Variants in GALNT18 observed in about 807,000 individuals in gnomAD.
GALNT18 encodes the protein polypeptide N-acetylgalactosaminyltransferase 18.
Under a neutral mutation model 69.5 loss-of-function variants are expected in GALNT18, and 44 were observed. The ratio of observed to expected loss-of-function variants is 0.63; its 90% confidence interval spans 0.50 to 0.81. GALNT18 has a LOEUF of 0.81. GALNT18 is among the 40% of genes least tolerant of loss of function. The probability of loss-of-function intolerance (pLI) is 0.00; values close to 1 mark genes in which losing one functional copy is unlikely to be tolerated. For missense variants in GALNT18, 715 were observed against 810.0 expected, an observed-to-expected ratio of 0.88 and a Z score of 1.42; for synonymous variants, 364 against 318.2, an observed-to-expected ratio of 1.14 and a Z score of -1.53.
In GALNT18 at chr11:11,315,069, T is replaced by A; in HGVS notation, c.1512+12017A>T. 6.6e-6 allele frequency among the ~76,000 whole-genome samples: 1 copy of A among 150,622 alleles called. No homozygotes were observed. Among genetic ancestry groups the A allele is most frequent in the East Asian group, 1.9e-4 (1 of 5,192 alleles). The stretch of plus-strand genomic sequence containing the variant: ...GTGTGTGTGTGTGTGTGTGTATGTG[T>A]GTATATATGTGTACATACAGAAGTA... On this transcript the variant is annotated intron_variant, in intron 9 of 10. Coordinates refer to ENST00000227756, the MANE Select transcript of GALNT18 (RefSeq NM_198516.3). The surrounding 1 kb of genome is among the most constrained non-coding windows in gnomAD (Gnocchi z 5.6).
rs963816917 is a variant in GALNT18 at position 11,613,256 on chromosome 11, T to C, written c.235+8103A>G. Among the ~76,000 whole-genome samples, 1 of 152,220 alleles carries C rather than the reference T, an allele frequency of 6.6e-6. No homozygotes were observed. Among genetic ancestry groups the C allele is most frequent in the Admixed American group, 6.5e-5 (1 of 15,278 alleles). ...GGCTGCACTGGAACTACAGGGGATC[T>C]ATAAAAGGTATACAGATCCACAGAG... is the stretch of plus-strand genomic sequence containing the variant. On this transcript the variant is annotated intron_variant, in intron 1 of 10. Coordinates refer to ENST00000227756, the MANE Select transcript of GALNT18 (RefSeq NM_198516.3). The surrounding 1 kb of genome is among the most constrained non-coding windows in gnomAD (Gnocchi z 4.2).
In GALNT18 at chr11:11,372,766, A is replaced by G. The variant is rs1231527376; in HGVS notation, c.978-137T>C. Reference sequence around the variant, plus strand: ...GAGCCAGTGTGAGCCTTGTTCTTGGAGTGGCCCCTGGGTCTGGCCTCACCC... The same window carrying G: ...GAGCCAGTGTGAGCCTTGTTCTTGGGGTGGCCCCTGGGTCTGGCCTCACCC... On this transcript the variant is annotated intron_variant, in intron 5 of 10. Transcript: ENST00000227756. The surrounding 1 kb of genome is among the most constrained non-coding windows in gnomAD (Gnocchi z 4.9). The G allele has an allele frequency of 2.8e-6, 2 of 725,058 alleles. No homozygotes were observed. Among genetic ancestry groups the G allele is most frequent in the African/African-American group, 3.5e-5 (2 of 57,698 alleles). 44.9% of individuals were successfully genotyped at this position (725,058 alleles called of 1,614,324 possible). A position where few individuals can be genotyped will look rare whatever the true frequency, so the allele number is the denominator to read the frequency against.
Position 11,454,069 on chromosome 11 carries a change from C to T in GALNT18, c.236-5133G>A, listed in dbSNP as rs761517509. 1.3e-5 allele frequency among the ~76,000 whole-genome samples: 2 copies of T among 152,168 alleles called. No individual in the cohort carries two copies. The highest frequency in any genetic ancestry group is 1.9e-4 in the East Asian group (1 of 5,192). On this transcript the variant is annotated intron_variant, in intron 1 of 10. Coordinates refer to ENST00000227756, the MANE Select transcript of GALNT18 (RefSeq NM_198516.3). This position sits in a 1 kb window ranked among gnomAD's most constrained non-coding sequence, Gnocchi z 4.2. ...GTAAAATGAACGAATAGGGCATTAG[C>T]AGTGGGTCGTCGTGAGGTCAGAAAA...
At chr11:11,333,210 GA>G (rs1850050178) in intron 7 of GALNT18, among the ~76,000 whole-genome samples, 1 of 152,088 alleles carries the variant, frequency 6.6e-6, no homozygotes, top group African/African-American at 2.4e-5. Context: ...AGGTGAGAGA[GA>G]GGGGGGAAGG....
At chr11:11,426,570 C>T (rs763522413) in intron 3 of GALNT18, among the ~76,000 whole-genome samples, 1 of 152,302 alleles carries the variant, frequency 6.6e-6, no homozygotes. Context: ...AGATGCTTCA[C>T]GTGGCAAAAT....
intron 3 of GALNT18, among the ~76,000 whole-genome samples, chr11:11,414,959 G>C (rs1254958200): frequency 6.6e-6 from 1 of 152,194 alleles, no homozygotes; most frequent in African/African-American, 2.4e-5. Context: ...GGGGCTTAGG[G>C]TCCTCTTTGA....
intron 9 of GALNT18, among the ~76,000 whole-genome samples, chr11:11,317,234 A>G (rs777877396): frequency 1.3e-5 from 2 of 152,244 alleles, no homozygotes; most frequent in African/African-American, 2.4e-5. Context: ...AGACCTGGGA[A>G]TATCACAACG....
In GALNT18 at chr11:11,497,327, AACACACACACACAC is replaced by A. The variant is rs61001797; in HGVS notation, c.236-48405_236-48392del. ...TATTTATGTTTTACCTCCTGTCTCC[AACACACACACACAC>A]ACACACACACACACACACACACACA... is the stretch of plus-strand genomic sequence containing the variant. On this transcript the variant is annotated intron_variant, in intron 1 of 10. Coordinates refer to ENST00000227756, the MANE Select transcript of GALNT18 (RefSeq NM_198516.3). This position sits in a 1 kb window ranked among gnomAD's most constrained non-coding sequence, Gnocchi z 4.2. 3.2e-4 allele frequency among the ~76,000 whole-genome samples: 43 copies of A among 132,324 alleles called. No homozygotes were observed. The highest frequency in any genetic ancestry group is 1.2e-3 in the African/African-American group (41 of 34,108). The allele number at this position is 132,324 out of a possible 152,430, so 86.8% of individuals were successfully genotyped here.
chr11:11,340,073 G>A lies in GALNT18; in HGVS notation c.1278+746C>T, dbSNP rs1850176782. Among the ~76,000 whole-genome samples the A allele has an allele frequency of 7.2e-6, 1 of 138,524 alleles. No individual in the cohort carries two copies. 90.9% of individuals were successfully genotyped at this position (138,524 alleles called of 152,430 possible). ...GAACTCTAGGCAGACAGGCTGGTAA[G>A]TGGGTTGGAATCATGTGGCTGGCAT... On this transcript the variant is annotated intron_variant, in intron 7 of 10. Transcript: ENST00000227756. The surrounding 1 kb of genome is among the most constrained non-coding windows in gnomAD (Gnocchi z 4.2).
chr11:11,333,574 T>C (rs1850056302), intron 7 of GALNT18, among the ~76,000 whole-genome samples: 1 of 152,162 alleles, frequency 6.6e-6, no homozygotes, highest in Non-Finnish European at 1.5e-5. Context: ...TCTACGTGTT[T>C]GGAAGATCCC....
chr11:11,485,437 TATAG>T, intron 1 of GALNT18, among the ~76,000 whole-genome samples: 1 of 152,300 alleles, frequency 6.6e-6, no homozygotes, highest in East Asian at 1.9e-4. Flanking sequence ...TTATAAAGGA[TATAG>T]ATAAACAGCC....
intron 1 of GALNT18, among the ~76,000 whole-genome samples, chr11:11,483,410 A>C (rs1182753768): frequency 6.6e-6 from 1 of 152,210 alleles, no homozygotes; most frequent in Non-Finnish European, 1.5e-5. Flanking sequence ...ATGGGGAACT[A>C]TGCGGTCAGC....
Position 11,332,995 on chromosome 11 carries a change from C to T in GALNT18, c.1279-164G>A, listed in dbSNP as rs764557860. On this transcript the variant is annotated intron_variant, in intron 7 of 10. Coordinates refer to ENST00000227756, the MANE Select transcript of GALNT18 (RefSeq NM_198516.3). This position sits in a 1 kb window ranked among gnomAD's most constrained non-coding sequence, Gnocchi z 4.3. ...CATTTTCCCACGGGTACCTTAACCC[C>T]GTAACCATCCTCATTTAGACTACGA... Among the ~76,000 whole-genome samples, 10 of 151,694 alleles carry T rather than the reference C, an allele frequency of 6.6e-5. No individual in the cohort carries two copies. The highest frequency in any genetic ancestry group is 1.9e-4 in the East Asian group (1 of 5,150).
rs1853790301 is a variant in GALNT18, at chr11:11,377,333, T to C, written c.826A>G (p.Ile276Val). ...TTGATGTTATCAAAGGATGGCGAGA[T>C]GATCCGCTTCCGGTTCTCCTTGATG... ...TRIKENRKRI[I>V]SPSFDNIKYD... The change falls in exon 5 of 11, where the codon ATC becomes GTC. Residue 276 changes from isoleucine (I) to valine (V), a missense_variant. Physicochemically the swap from Ile to Val is conservative, Grantham distance 29. Coordinates refer to ENST00000227756, the MANE Select transcript of GALNT18 (RefSeq NM_198516.3). This position sits in a 1 kb window ranked among gnomAD's most constrained non-coding sequence, Gnocchi z 4.6. 1 of 1,613,896 alleles carries C rather than the reference T, an allele frequency of 6.2e-7. No individual in the cohort carries two copies. Among genetic ancestry groups the C allele is most frequent in the African/African-American group, 1.3e-5 (1 of 74,908 alleles).
intron 9 of GALNT18, among the ~76,000 whole-genome samples, chr11:11,299,438 C>T (rs1849456308): frequency 6.6e-6 from 1 of 152,176 alleles, no homozygotes; most frequent in Non-Finnish European, 1.5e-5. Context: ...AGCCACTGTG[C>T]CTGGCCCCAT....
chr11:11,271,517 T>C (rs964796180), intron 10 of GALNT18, among the ~76,000 whole-genome samples: 5 of 152,156 alleles, frequency 3.3e-5, no homozygotes, highest in Admixed American at 1.3e-4. Flanking sequence ...AGTTCTTCAC[T>C]AGGAGAGAGG....
rs530702962 is a variant in GALNT18 at position 11,602,080 on chromosome 11, T to A, written c.235+19279A>T. Among the ~76,000 whole-genome samples, 1 of 152,334 alleles carries A rather than the reference T, an allele frequency of 6.6e-6. No individual in the cohort carries two copies. Among genetic ancestry groups the A allele is most frequent in the Non-Finnish European group, 1.5e-5 (1 of 68,028 alleles). ...AAGTCAAAAGCTACAAATCTCTGTG[T>A]TCCTACAGCCTGCCCCTATCCCTGG... On this transcript the variant is annotated intron_variant, in intron 1 of 10. Transcript: ENST00000227756. The surrounding 1 kb of genome is among the most constrained non-coding windows in gnomAD (Gnocchi z 4.7).
chr11:11,491,716 G>A (rs1432854607), intron 1 of GALNT18, among the ~76,000 whole-genome samples: 1 of 152,158 alleles, frequency 6.6e-6, no homozygotes, highest in African/African-American at 2.4e-5. Context: ...CCTGGAATCT[G>A]TACCCTGGGA....
At chr11:11,610,327 G>T (rs1859863549) in intron 1 of GALNT18, among the ~76,000 whole-genome samples, 2 of 152,176 alleles carry the variant, frequency 1.3e-5, no homozygotes. Context: ...AGCTGAACCT[G>T]GGATAAGCTC....
Sources: allele counts gnomAD v4.1 joint callset (sites outside exome capture counted in the v4.1 genomes callset), GRCh38; gene constraint gnomAD v4.1.1; non-coding constraint Gnocchi (gnomAD v3.1); transcripts MANE v1.5; gene names NCBI Gene and HGNC (gene_info 2026-07-23, HGNC 2026-07-21).